The following THSD7B variants were observed in gnomAD, a reference collection of about 807,000 sequenced individuals.
THSD7B encodes the protein thrombospondin type-1 domain-containing protein 7B.
In THSD7B, 138 loss-of-function variants were observed where a neutral mutation model predicts 213.6. That is an observed-to-expected ratio of 0.65 (90% CI 0.56 to 0.74). The LOEUF (loss-of-function observed/expected upper bound fraction) is 0.74, where lower values mean the gene tolerates loss of function less well. Among genes scored for constraint, THSD7B ranks in the 30% least tolerant of loss-of-function variants. The pLI, the probability that THSD7B is intolerant of heterozygous loss-of-function variation, is 0.00. For synonymous variants in THSD7B, 742 were observed against 687.0 expected (o/e 1.08, Z -1.25); for missense variants, 1,931 against 1,991.5 (o/e 0.97, Z 0.58).
At chr2:137,384,615 T>C (rs939380423) in intron 12 of THSD7B, among the ~76,000 whole-genome samples, 6 of 152,282 alleles carry the variant, frequency 3.9e-5, no homozygotes, top group Non-Finnish European at 7.4e-5. Context: ...ATCTCCTGTT[T>C]AGAATCTTGA....
At chr2:136,931,224 ATG>A (rs1220861555) in intron 2 of THSD7B, among the ~76,000 whole-genome samples, 2 of 152,150 alleles carry the variant, frequency 1.3e-5, no homozygotes, top group African/African-American at 2.4e-5. Context: ...ATGTATATAC[ATG>A]TGTGTATGTG....
intron 2 of THSD7B, among the ~76,000 whole-genome samples, chr2:136,990,569 T>C (rs551749962): frequency 6.6e-6 from 1 of 152,222 alleles, no homozygotes; most frequent in South Asian, 2.1e-4. Flanking sequence ...TGTGCTGGAA[T>C]GTGGGGCAAG....
At chr2:137,531,587 C>T (rs1321499307) in intron 15 of THSD7B, among the ~76,000 whole-genome samples, 1 of 151,796 alleles carries the variant, frequency 6.6e-6, no homozygotes. Flanking sequence ...CCTTTAATTA[C>T]CTAATAATTG....
At chr2:137,366,116 T>C (rs1685400533) in intron 12 of THSD7B, among the ~76,000 whole-genome samples, 1 of 141,006 alleles carries the variant, frequency 7.1e-6, no homozygotes, top group Non-Finnish European at 1.7e-5. Flanking sequence ...CTGGAAACCA[T>C]CATTCTGAGC....
intron 2 of THSD7B, among the ~76,000 whole-genome samples, chr2:137,008,665 G>A (rs1413725341): frequency 6.6e-6 from 1 of 151,906 alleles, no homozygotes; most frequent in Non-Finnish European, 1.5e-5. Flanking sequence ...TTCTATAAGA[G>A]CTTATCTTAT....
chr2:136,882,216 T>A lies in THSD7B; in HGVS notation c.38T>A (p.Val13Glu). The A allele has an allele frequency of 1.3e-6, 2 of 1,543,986 alleles. No homozygotes were observed. Among genetic ancestry groups the A allele is most frequent in the South Asian group, 1.2e-5 (1 of 82,898 alleles). ...PKSNLTVTCW[V>E]WRSMRKLFLL... The stretch of plus-strand genomic sequence containing the variant: ...AGCAACCTAACAGTCACTTGCTGGG[T>A]ATGGAGGAGCATGAGGAAGCTCTTT... Residue 13 changes from valine to glutamate, a missense_variant, in exon 2 of 28, where the codon GTA becomes GAA. Val to Glu is a moderately radical substitution (Grantham distance 121, BLOSUM62 -2). Coordinates refer to ENST00000409968, the MANE Select transcript of THSD7B (RefSeq NM_001316349.2).
chr2:137,094,826 C>A lies in THSD7B; in HGVS notation c.951-47C>A, dbSNP rs773892202. 4.4e-6 allele frequency: 7 copies of A among 1,579,390 alleles called. No individual in the cohort carries two copies. In the South Asian group the frequency reaches 4.6e-5, roughly 10 times the overall value. ...GGTAGGCACTTTATAATGTTAGTTG[C>A]ATCCATTAATATATGGCCTCCTATT... On this transcript the variant is annotated intron_variant, in intron 3 of 27. Coordinates refer to ENST00000409968, the MANE Select transcript of THSD7B (RefSeq NM_001316349.2).
At chr2:136,830,486 T>C (rs1682735214) in intron 1 of THSD7B, among the ~76,000 whole-genome samples, 1 of 152,178 alleles carries the variant, frequency 6.6e-6, no homozygotes, top group Non-Finnish European at 1.5e-5. Flanking sequence ...CATTATTCAG[T>C]TTACTACACA....
intron 20 of THSD7B, among the ~76,000 whole-genome samples, chr2:137,624,333 T>G (rs1285920865): frequency 6.6e-6 from 1 of 152,158 alleles, no homozygotes; most frequent in Non-Finnish European, 1.5e-5. Context: ...CAATTCAAGA[T>G]GGATTAAAGA....
rs1289880949 is a variant in THSD7B, at chr2:137,092,918, G to A, written c.951-1955G>A. On this transcript the variant is annotated intron_variant, in intron 3 of 27. Transcript: ENST00000409968. ...CTCCCAAAGTGTTGGGATTATAGGC[G>A]TAAGCCACTACACCTGCTCCCCCTC... Among the ~76,000 whole-genome samples, 9 of 152,266 alleles carry A rather than the reference G, an allele frequency of 5.9e-5. No individual in the cohort carries two copies. In the South Asian group the frequency reaches 8.3e-4, roughly 14 times the overall value.
intron 15 of THSD7B, among the ~76,000 whole-genome samples, chr2:137,487,570 A>G (rs1688489438): frequency 6.6e-6 from 1 of 151,820 alleles, no homozygotes; most frequent in Non-Finnish European, 1.5e-5. Context: ...CACTAGCAAG[A>G]CTAATAAAGA....
At chr2:136,892,530 G>A (rs554738201) in intron 2 of THSD7B, among the ~76,000 whole-genome samples, 1 of 151,774 alleles carries the variant, frequency 6.6e-6, no homozygotes, top group East Asian at 1.9e-4. Flanking sequence ...CAAGGGAGTG[G>A]GTCTCGGTGG....
In THSD7B at chr2:137,411,737, G is replaced by A; in HGVS notation, c.2824G>A (p.Gly942Ser). Residue 942 changes from glycine (G) to serine (S), a missense_variant, in exon 14 of 28, where the codon GGC (glycine) becomes AGC (serine). Physicochemically the swap from Gly to Ser is moderately conservative, Grantham distance 56 (BLOSUM62 0). Transcript: ENST00000409968. ...GNWSDCILPE[G>S]RREPHRGLRV... Reference sequence around the variant, plus strand: ...CTGGTCAGATTGCATTCTTCCAGAAGGCAGAAGGGAGCCTCACCGAGGACT... The same window carrying A: ...CTGGTCAGATTGCATTCTTCCAGAAAGCAGAAGGGAGCCTCACCGAGGACT... 1 of 1,613,946 alleles carries A rather than the reference G, an allele frequency of 6.2e-7. No individual in the cohort carries two copies. The highest frequency in any genetic ancestry group is 8.5e-7 in the Non-Finnish European group (1 of 1,179,886).
chr2:136,934,022 C>A (rs1684678240), intron 2 of THSD7B, among the ~76,000 whole-genome samples: 1 of 152,122 alleles, frequency 6.6e-6, no homozygotes, highest in African/African-American at 2.4e-5. Flanking sequence ...GCCAGGCAGC[C>A]TTTCTCTACA....
chr2:136,846,437 G>T (rs1683011475), intron 1 of THSD7B, among the ~76,000 whole-genome samples: 1 of 152,124 alleles, frequency 6.6e-6, no homozygotes, highest in Non-Finnish European at 1.5e-5. Context: ...TTCTGCTACA[G>T]TAATTTGATA....
At chr2:137,036,650 C>T (rs753251640) in intron 2 of THSD7B, among the ~76,000 whole-genome samples, 1 of 152,146 alleles carries the variant, frequency 6.6e-6, no homozygotes. Context: ...AAGTTTAAAT[C>T]AAAATAGTGT....
intron 10 of THSD7B, among the ~76,000 whole-genome samples, chr2:137,259,811 C>A (rs978691080): frequency 8.5e-5 from 13 of 152,294 alleles, no homozygotes; most frequent in Non-Finnish European, 1.8e-4. Context: ...GTTGTAGCTT[C>A]AATTTCTAGA....
chr2:137,630,625 T>C (rs1428160471), intron 20 of THSD7B, among the ~76,000 whole-genome samples: 1 of 152,128 alleles, frequency 6.6e-6, no homozygotes, highest in Non-Finnish European at 1.5e-5. Flanking sequence ...CAGGAATGTA[T>C]GGTATAGATG....
chr2:137,130,778 T>C (rs1396090813), intron 5 of THSD7B, among the ~76,000 whole-genome samples: 3 of 131,792 alleles, frequency 2.3e-5, no homozygotes, highest in Non-Finnish European at 5.0e-5. Flanking sequence ...CAGTCTATCA[T>C]TGTTGGACAT....
Sources: allele counts gnomAD v4.1 joint callset (sites outside exome capture counted in the v4.1 genomes callset), GRCh38; gene constraint gnomAD v4.1.1; transcripts MANE v1.5; gene names NCBI Gene and HGNC (gene_info 2026-07-23, HGNC 2026-07-21).